Variants in EYS observed in about 807,000 individuals in gnomAD.
The protein encoded by EYS is protein eyes shut homolog.
Under a neutral mutation model 282.1 loss-of-function variants are expected in EYS, and 250 were observed. The observed-to-expected ratio is 0.89, with a 90% confidence interval of 0.80 to 0.98. The LOEUF (loss-of-function observed/expected upper bound fraction) is 0.98. Among genes scored for constraint, EYS ranks in the 50% least tolerant of loss-of-function variants. EYS has a pLI of 0.00. For missense variants in EYS, 4,016 were observed against 3,709.0 expected (o/e 1.08, Z -2.15); for synonymous variants, 1,355 against 1,282.9 (o/e 1.06, Z -1.20).
chr6:64,075,609 T>C (rs931117302), intron 32 of EYS, among the ~76,000 whole-genome samples: 1 of 151,954 alleles, frequency 6.6e-6, no homozygotes, highest in African/African-American at 2.4e-5. Context: ...TTTTAGTCTA[T>C]TTGTTGCTAG....
chr6:64,306,885 T>C (rs1769465063), intron 30 of EYS, 85 bp downstream of exon 30: 1 of 719,612 alleles, frequency 1.4e-6, no homozygotes, highest in Admixed American at 2.4e-5. Flanking sequence ...AGTGCAGCCT[T>C]CATTAGATTA....
Position 64,590,802 on chromosome 6 carries a change from T to C in EYS, c.5065A>G (p.Thr1689Ala), listed in dbSNP as rs1766381151. The part of the protein sequence containing the change: ...MNSDLTSKMT[T>A]DELSVSENIL... ...TTTTCTGATACTGACAGTTCATCAG[T>C]AGTCATTTTTGAAGTCAAATCAGAA... Residue 1689 changes from threonine (T) to alanine (A), a missense_variant, in exon 26 of 43, where the codon ACT becomes GCT. Coordinates refer to ENST00000503581, the MANE Select transcript of EYS (RefSeq NM_001142800.2). 6.5e-7 allele frequency: 1 copy of C among 1,549,504 alleles called. No homozygotes were observed. The highest frequency in any genetic ancestry group is 8.7e-7 in the Non-Finnish European group (1 of 1,145,460).
At chr6:64,119,781 C>T (rs990067138) in intron 31 of EYS, among the ~76,000 whole-genome samples, 3 of 152,178 alleles carry the variant, frequency 2.0e-5, no homozygotes, top group African/African-American at 4.8e-5. Context: ...AAGGCACAGA[C>T]GCAAATCACA....
intron 2 of EYS, among the ~76,000 whole-genome samples, chr6:65,552,629 C>T (rs1768635801): frequency 6.6e-6 from 1 of 152,044 alleles, no homozygotes; most frequent in African/African-American, 2.4e-5. Context: ...TAATCATGTG[C>T]AGATGCATTC....
At chr6:64,658,074 A>T (rs1361487480) in intron 22 of EYS, among the ~76,000 whole-genome samples, 1 of 152,030 alleles carries the variant, frequency 6.6e-6, no homozygotes, top group Non-Finnish European at 1.5e-5. Flanking sequence ...TTTTTCCTCT[A>T]AACTTCTCTT....
In EYS at chr6:64,886,825, T is replaced by G; in HGVS notation, c.2864A>C (p.Glu955Ala). 6.5e-7 allele frequency: 1 copy of G among 1,527,620 alleles called. No homozygotes were observed. Among genetic ancestry groups the G allele is most frequent in the Non-Finnish European group, 8.8e-7 (1 of 1,137,362 alleles). The allele number at this position is 1,527,620 out of a possible 1,614,324, so 94.6% of individuals were successfully genotyped here. The change falls in exon 19 of 43, where the codon GAA (glutamate) becomes GCA (alanine). Residue 955 changes from glutamate (E) to alanine (A), a missense_variant. By Grantham distance (107) the Glu-to-Ala change is moderately radical. Coordinates refer to ENST00000503581, the MANE Select transcript of EYS (RefSeq NM_001142800.2). ...ACAGAAGGGCCCATGGTACTCAGGT[T>G]CACAATTACAAAAAAATCTGGAGAA... ...DLTNRFFCNC[E>A]PEYHGPFCEL...
At chr6:65,519,408 T>G (rs1041102353) in intron 2 of EYS, among the ~76,000 whole-genome samples, 1 of 151,582 alleles carries the variant, frequency 6.6e-6, no homozygotes, top group African/African-American at 2.4e-5. Context: ...TGTATTGATA[T>G]GTAAGAGTTA....
chr6:65,214,115 C>T (rs1358486132), intron 12 of EYS, among the ~76,000 whole-genome samples: 4 of 129,022 alleles, frequency 3.1e-5, no homozygotes, highest in Admixed American at 2.6e-4. Flanking sequence ...GCCGAGATTG[C>T]GCCACTGCAC....
At chr6:65,394,841 C>T (rs113599145) in intron 7 of EYS, among the ~76,000 whole-genome samples, 2,176 of 152,156 alleles carry the variant, frequency 0.014, 68 homozygotes, top group African/African-American at 0.049. Context: ...CTCTCACAGC[C>T]CAATGTCTAC....
intron 28 of EYS, among the ~76,000 whole-genome samples, chr6:64,390,301 AG>A (rs1419379186): frequency 6.6e-6 from 1 of 152,198 alleles, no homozygotes; most frequent in Non-Finnish European, 1.5e-5. Flanking sequence ...CTGCCTCTGT[AG>A]GCTCCACCTC....
intron 31 of EYS, among the ~76,000 whole-genome samples, chr6:64,141,291 T>C (rs1335560219): frequency 6.6e-6 from 1 of 152,200 alleles, no homozygotes; most frequent in African/African-American, 2.4e-5. Flanking sequence ...CATGGCTATG[T>C]TGAATTGCTA....
At chr6:65,391,848 A>C (rs1300148219) in intron 7 of EYS, among the ~76,000 whole-genome samples, 1 of 152,186 alleles carries the variant, frequency 6.6e-6, no homozygotes, top group Non-Finnish European at 1.5e-5. Context: ...ACCAAAAAAG[A>C]GCCCGCATTG....
intron 28 of EYS, among the ~76,000 whole-genome samples, chr6:64,397,649 T>C (rs1000674544): frequency 4.6e-5 from 7 of 151,970 alleles, no homozygotes; most frequent in African/African-American, 1.2e-4. Flanking sequence ...ATTTGGCTAA[T>C]TGTGTCCTTT....
chr6:63,720,939 G>A lies in EYS; in HGVS notation c.9092C>T (p.Pro3031Leu). ...GAATGTGCCATTGTTATAGCTCATA[G>A]GCACAGAGATTCTTTCTCCCAAGTT... ...AVNLGERISVPMSYNNGTFCC... is the reference protein window; with the variant it reads ...AVNLGERISVLMSYNNGTFCC... Residue 3031 changes from proline (P) to leucine (L), a missense_variant, in exon 43 of 43, where the codon CCT (proline) becomes CTT (leucine). Pro to Leu is a moderately conservative substitution (Grantham distance 98, BLOSUM62 -3). Coordinates refer to ENST00000503581, the MANE Select transcript of EYS (RefSeq NM_001142800.2). 1 of 1,551,252 alleles carries A rather than the reference G, an allele frequency of 6.4e-7. No homozygotes were observed. The highest frequency in any genetic ancestry group is 8.7e-7 in the Non-Finnish European group (1 of 1,146,724).
intron 33 of EYS, among the ~76,000 whole-genome samples, chr6:64,016,804 A>G (rs1458422760): frequency 6.6e-6 from 1 of 152,132 alleles, no homozygotes; most frequent in East Asian, 1.9e-4. Flanking sequence ...AGGGTATTGT[A>G]CATTTCTTAT....
chr6:64,778,042 G>A (rs1341449366), intron 22 of EYS, among the ~76,000 whole-genome samples: 2 of 151,978 alleles, frequency 1.3e-5, no homozygotes, highest in Non-Finnish European at 2.9e-5. Flanking sequence ...TTTTAGAAAA[G>A]GATTGTTAGA....
intron 14 of EYS, among the ~76,000 whole-genome samples, chr6:64,987,314 T>G (rs1343538848): frequency 6.6e-6 from 1 of 151,516 alleles, no homozygotes; most frequent in Non-Finnish European, 1.5e-5. Flanking sequence ...CATAAATCAC[T>G]GTGGCTATGC....
intron 26 of EYS, among the ~76,000 whole-genome samples, chr6:64,569,120 C>A (rs997078983): frequency 6.7e-6 from 1 of 150,070 alleles, no homozygotes; most frequent in African/African-American, 2.4e-5. Context: ...CCAGGAAGGT[C>A]ACAAAACTGA....
At position 65,330,700 on chromosome 6, in the gene EYS, A is replaced by G. The variant is rs77580449; in HGVS notation, c.1766+4280T>C. On this transcript the variant is annotated intron_variant, in intron 11 of 42. Coordinates refer to ENST00000503581, the MANE Select transcript of EYS (RefSeq NM_001142800.2). ...CATTATTAGTGTCTATCATTATAAT[A>G]CTATCATTATTTTGCCTTATAAATT... The G allele has an allele frequency of 2.3e-3, 2,137 of 944,612 alleles. 38 individuals carry two copies. The African/African-American group carries it at 0.035, about 16-fold the overall frequency. The allele number at this position is 944,612 out of a possible 1,614,324, so 58.5% of individuals were successfully genotyped here.
Sources: allele counts gnomAD v4.1 joint callset (sites outside exome capture counted in the v4.1 genomes callset), GRCh38; gene constraint gnomAD v4.1.1; transcripts MANE v1.5; gene names NCBI Gene and HGNC (gene_info 2026-07-23, HGNC 2026-07-21).